BABAM2: variants seen among roughly 807,000 people sequenced by gnomAD.
BABAM2 encodes the protein BRISC and BRCA1-A complex member 2.
BABAM2 carries 31 observed loss-of-function variants against 54.7 expected under a neutral mutation model. The ratio of observed to expected loss-of-function variants is 0.57; its 90% confidence interval spans 0.43 to 0.77. The LOEUF (loss-of-function observed/expected upper bound fraction) is 0.77, where lower values mean the gene tolerates loss of function less well. BABAM2 is among the 30% of genes least tolerant of loss of function. The pLI is 0.00. For synonymous variants in BABAM2, 167 were observed against 162.9 expected (o/e 1.03, Z -0.19); for missense variants, 364 against 455.8 (o/e 0.80, Z 1.83).
chr2:28,013,036 A>G (rs1674512433), intron 4 of BABAM2, among the ~76,000 whole-genome samples: 1 of 152,166 alleles, frequency 6.6e-6, no homozygotes, highest in African/African-American at 2.4e-5. Context: ...GGGGCTGCAT[A>G]CTGGTTACCT....
chr2:28,065,518 C>CCA (rs1179619368), intron 6 of BABAM2, among the ~76,000 whole-genome samples: 2 of 152,016 alleles, frequency 1.3e-5, no homozygotes, highest in African/African-American at 2.4e-5. Context: ...CTACATCCAT[C>CCA]CACACACACA....
At chr2:27,986,784 G>A (rs1343398273) in intron 3 of BABAM2, among the ~76,000 whole-genome samples, 1 of 152,102 alleles carries the variant, frequency 6.6e-6, no homozygotes, top group Non-Finnish European at 1.5e-5. Flanking sequence ...TGTTATGTAT[G>A]TATGTGTACA....
chr2:27,993,224 G>GGA (rs372664194), intron 4 of BABAM2, among the ~76,000 whole-genome samples: 4 of 152,146 alleles, frequency 2.6e-5, no homozygotes, highest in African/African-American at 7.2e-5. Context: ...GGCAGCTTCA[G>GGA]GAGAGAGTGG....
In BABAM2 at chr2:28,322,151, C is replaced by G. The variant is rs1171480615; in HGVS notation, c.1089-16299C>G. 6.6e-6 allele frequency among the ~76,000 whole-genome samples: 1 copy of G among 152,050 alleles called. No homozygotes were observed. Among genetic ancestry groups the G allele is most frequent in the Non-Finnish European group, 1.5e-5 (1 of 68,022 alleles). On this transcript the variant is annotated intron_variant, in intron 11 of 11. Coordinates refer to ENST00000379624, the MANE Select transcript of BABAM2 (RefSeq NM_199191.3). The surrounding 1 kb of genome is among the most constrained non-coding windows in gnomAD (Gnocchi z 4.1). ...ACTCAGAAGCCTCCAGTGTTTATAC[C>G]ACTGAGACTGGGGCAGAGTAGTCTG... is the stretch of plus-strand genomic sequence containing the variant.
chr2:28,044,630 A>C (rs1019195440), intron 5 of BABAM2, among the ~76,000 whole-genome samples: 9 of 152,196 alleles, frequency 5.9e-5, no homozygotes, highest in African/African-American at 2.4e-5. Flanking sequence ...GCCTAGGTGC[A>C]TTCATCCACC....
At chr2:28,151,680 C>CTTAT (rs58516633) in intron 7 of BABAM2, among the ~76,000 whole-genome samples, 3 of 152,024 alleles carry the variant, frequency 2.0e-5, no homozygotes, top group African/African-American at 7.3e-5. Flanking sequence ...ATTACTAATA[C>CTTAT]AAGCATGAGA....
At chr2:28,122,064 A>T (rs1024514366) in intron 6 of BABAM2, among the ~76,000 whole-genome samples, 1 of 152,078 alleles carries the variant, frequency 6.6e-6, no homozygotes, top group Admixed American at 6.6e-5. Flanking sequence ...TATACAAAAA[A>T]AATTAGCTGG....
At chr2:27,892,062 C>T (rs1318312929) in intron 1 of BABAM2, among the ~76,000 whole-genome samples, 1 of 152,128 alleles carries the variant, frequency 6.6e-6, no homozygotes, top group Non-Finnish European at 1.5e-5. Context: ...ACAAAATCAC[C>T]TTGATGCTTT....
At chr2:27,984,321 T>A (rs1471258026) in intron 3 of BABAM2, among the ~76,000 whole-genome samples, 3 of 152,132 alleles carry the variant, frequency 2.0e-5, no homozygotes, top group African/African-American at 7.2e-5. Context: ...GTATGTTCCT[T>A]CCTAAAGAAT....
chr2:28,023,531 A>G (rs926574013), intron 4 of BABAM2, among the ~76,000 whole-genome samples: 7 of 152,166 alleles, frequency 4.6e-5, no homozygotes, highest in African/African-American at 1.4e-4. Context: ...AGGTCAACAG[A>G]TTTGCCAGGG....
At chr2:28,008,296 C>T (rs1010175935) in intron 4 of BABAM2, among the ~76,000 whole-genome samples, 6 of 152,112 alleles carry the variant, frequency 3.9e-5, no homozygotes, top group Admixed American at 3.9e-4. Flanking sequence ...ATGCATCTAC[C>T]ATAAATGAAG....
chr2:27,931,230 A>G (rs1191610068), intron 3 of BABAM2, among the ~76,000 whole-genome samples: 1 of 152,036 alleles, frequency 6.6e-6, no homozygotes, highest in Non-Finnish European at 1.5e-5. Flanking sequence ...TTTTGAAAAA[A>G]TTATTAACTA....
chr2:27,988,406 A>G (rs1346003445), intron 4 of BABAM2, among the ~76,000 whole-genome samples: 1 of 152,168 alleles, frequency 6.6e-6, no homozygotes, highest in African/African-American at 2.4e-5. Context: ...CATGCCTGCA[A>G]TCAATTTTCT....
chr2:28,226,080 C>T (rs1267353669), intron 7 of BABAM2, among the ~76,000 whole-genome samples: 5 of 152,090 alleles, frequency 3.3e-5, no homozygotes, highest in South Asian at 2.1e-4. Context: ...TTTCATGACT[C>T]GTAAAAATTA....
intron 6 of BABAM2, among the ~76,000 whole-genome samples, chr2:28,085,955 T>G (rs777483515): frequency 6.6e-6 from 1 of 152,168 alleles, no homozygotes; most frequent in Non-Finnish European, 1.5e-5. Context: ...TTGTAAAGGT[T>G]TCATTGAATT....
At chr2:27,904,866 AAAGC>A (rs959520753) in intron 2 of BABAM2, among the ~76,000 whole-genome samples, 3 of 152,220 alleles carry the variant, frequency 2.0e-5, no homozygotes, top group African/African-American at 7.2e-5. Context: ...ATGCTCCAAC[AAAGC>A]AAGAAGGTAA....
At chr2:28,110,580 C>T (rs1344095129) in intron 6 of BABAM2, among the ~76,000 whole-genome samples, 15 of 151,618 alleles carry the variant, frequency 9.9e-5, no homozygotes, top group African/African-American at 2.9e-4. Flanking sequence ...GCCGAGATTG[C>T]GCCATTGCAC....
chr2:27,971,097 A>C (rs1671178100), intron 3 of BABAM2, among the ~76,000 whole-genome samples: 1 of 152,082 alleles, frequency 6.6e-6, no homozygotes, highest in Non-Finnish European at 1.5e-5. Flanking sequence ...TTCTCATTAT[A>C]AAGATACCTT....
chr2:28,136,759 G>A (rs1275016545), intron 7 of BABAM2, among the ~76,000 whole-genome samples: 3 of 152,042 alleles, frequency 2.0e-5, no homozygotes, highest in African/African-American at 4.8e-5. Flanking sequence ...CAGCGTGCCT[G>A]GCAGCAAACA....
Sources: gnomAD v4.1 joint callset for allele counts (sites outside exome capture counted in the v4.1 genomes callset) on GRCh38, gnomAD v4.1.1 for gene constraint, Gnocchi (gnomAD v3.1) non-coding constraint, MANE v1.5 for transcripts, NCBI Gene and HGNC (gene_info 2026-07-23, HGNC 2026-07-21) for gene names.